Variants in AGT observed in about 807,000 individuals in gnomAD.
The protein encoded by AGT is alpha-1 antiproteinase, antitrypsin.
In AGT, 26 loss-of-function variants were observed where a neutral mutation model predicts 28.1. The observed-to-expected ratio is 0.92, with a 90% CI of 0.68 to 1.28. The LOEUF is 1.28. Among genes scored for constraint, AGT ranks in the 50% most tolerant of loss-of-function variants. AGT has a pLI of 0.00. For synonymous variants in AGT, 259 were observed against 259.6 expected, an observed-to-expected ratio of 1.00 and a Z score of 0.02; for missense variants, 596 against 592.3, an observed-to-expected ratio of 1.01 and a Z score of -0.06.
chr1:230,712,832 G>A (rs1184120725), intron 1 of AGT, among the ~76,000 whole-genome samples: 6 of 152,256 alleles, frequency 3.9e-5, no homozygotes, highest in African/African-American at 1.4e-4. Context: ...TGGGGTGGCG[G>A]GCCTGACACC....
At chr1:230,703,647 C>T (rs61751071) in intron 4 of AGT, among the ~76,000 whole-genome samples, 136 of 152,346 alleles carry the variant, frequency 8.9e-4, no homozygotes, top group African/African-American at 3.0e-3. Context: ...CTCCCTTGGC[C>T]ATGGCCCACC....
chr1:230,735,802 G>C (rs1297709687), intron 1 of AGT, among the ~76,000 whole-genome samples: 1 of 152,100 alleles, frequency 6.6e-6, no homozygotes, highest in Non-Finnish European at 1.5e-5. Context: ...CCCCCTCAGA[G>C]CTGTAGATTC....
At chr1:230,724,770 G>A (rs1251233107) in intron 1 of AGT, among the ~76,000 whole-genome samples, 1 of 152,198 alleles carries the variant, frequency 6.6e-6, no homozygotes, top group Non-Finnish European at 1.5e-5. Flanking sequence ...AAGCTGCAGT[G>A]AGCCATGATC....
intron 1 of AGT, among the ~76,000 whole-genome samples, chr1:230,727,612 G>A (rs1044316853): frequency 6.6e-6 from 1 of 152,170 alleles, no homozygotes; most frequent in African/African-American, 2.4e-5. Context: ...AAGACCCTAA[G>A]TAACTAACTA....
upstream of AGT, among the ~76,000 whole-genome samples, chr1:230,718,394 C>A (rs988157378): frequency 6.6e-6 from 1 of 152,074 alleles, no homozygotes; most frequent in South Asian, 2.1e-4. Context: ...GGCAAGGACA[C>A]GTAAAGTCTA....
At chr1:230,726,608 C>T (rs1223466899) in intron 1 of AGT, among the ~76,000 whole-genome samples, 2 of 152,112 alleles carry the variant, frequency 1.3e-5, no homozygotes, top group African/African-American at 4.8e-5. Context: ...GTAAGCATAG[C>T]TTATTGGATG....
At chr1:230,710,945 G>T in intron 1 of AGT, 92 bp from the exon 2 acceptor site, 1 of 1,471,984 alleles carries the variant, frequency 6.8e-7, no homozygotes, top group Non-Finnish European at 9.3e-7. Flanking sequence ...AATATTCCCT[G>T]TCACCATTTA....
chr1:230,731,542 C>T (rs1664062963), intron 1 of AGT, among the ~76,000 whole-genome samples: 1 of 152,192 alleles, frequency 6.6e-6, no homozygotes, highest in Admixed American at 6.5e-5. Flanking sequence ...CTCTGCCTTC[C>T]AGCTGTGCTG....
intron 1 of AGT, among the ~76,000 whole-genome samples, chr1:230,738,845 G>C (rs901435837): frequency 7.9e-5 from 12 of 152,044 alleles, no homozygotes; most frequent in African/African-American, 2.9e-4. Context: ...AATCAAATGA[G>C]ATATTTTAAA....
Position 230,703,116 on chromosome 1 carries a change from G to C in AGT, c.*25C>G. 1 of 1,611,388 alleles carries C rather than the reference G, an allele frequency of 6.2e-7. No homozygotes were observed. Among genetic ancestry groups the C allele is most frequent in the Non-Finnish European group, 8.5e-7 (1 of 1,178,872 alleles). The stretch of plus-strand genomic sequence containing the variant: ...AAGGCCAGGGGCAGAGGCCTTGCCA[G>C]GCACTGTGTTCTGGGGCCCTGGCCT... On this transcript the variant is annotated 3_prime_UTR_variant, in exon 5 of 5. Coordinates refer to ENST00000366667, the MANE Select transcript of AGT (RefSeq NM_001384479.1).
At chr1:230,740,348 G>A (rs573822935) in intron 1 of AGT, among the ~76,000 whole-genome samples, 9 of 152,042 alleles carry the variant, frequency 5.9e-5, no homozygotes, top group Admixed American at 2.0e-4. Context: ...GTGACCTGCC[G>A]ACCTCCTATG....
chr1:230,738,130 G>C (rs1338911232), intron 1 of AGT, among the ~76,000 whole-genome samples: 1 of 152,188 alleles, frequency 6.6e-6, no homozygotes, highest in African/African-American at 2.4e-5. Flanking sequence ...TGCACCTTCT[G>C]GCTGTTATGA....
chr1:230,740,503 A>G (rs2102807632), intron 1 of AGT, among the ~76,000 whole-genome samples: 1 of 152,298 alleles, frequency 6.6e-6, no homozygotes, highest in South Asian at 2.1e-4. Context: ...CTTTGAAGTA[A>G]CTGCTAGTTT....
At chr1:230,724,219 A>G (rs1024657742) in intron 1 of AGT, among the ~76,000 whole-genome samples, 3 of 152,206 alleles carry the variant, frequency 2.0e-5, no homozygotes, top group South Asian at 2.1e-4. Context: ...TATTTATTAC[A>G]TGGCCCTTTA....
At chr1:230,739,961 G>A (rs6663784) in intron 1 of AGT, among the ~76,000 whole-genome samples, 28,236 of 152,094 alleles carry the variant, frequency 0.19, 3,252 homozygotes, top group African/African-American at 0.33. Context: ...AAGAAAGAAT[G>A]GCCACTCCGT....
At chr1:230,725,515 G>C (rs191026609) in intron 1 of AGT, among the ~76,000 whole-genome samples, 1 of 152,282 alleles carries the variant, frequency 6.6e-6, no homozygotes, top group Admixed American at 6.5e-5. Context: ...ACAATGAAGA[G>C]TTCTGCTCAC....
chr1:230,733,839 G>C (rs1437768848), intron 1 of AGT, among the ~76,000 whole-genome samples: 1 of 152,094 alleles, frequency 6.6e-6, no homozygotes, highest in Non-Finnish European at 1.5e-5. Context: ...TGGTCTACCA[G>C]TCAGCCACTT....
intron 1 of AGT, among the ~76,000 whole-genome samples, chr1:230,727,187 C>A (rs1446853153): frequency 6.6e-6 from 1 of 152,182 alleles, no homozygotes; most frequent in African/African-American, 2.4e-5. Flanking sequence ...TCTCTCTCCT[C>A]CTACAATGTT....
chr1:230,704,381 T>C lies in AGT; in HGVS notation c.1098-44A>G, dbSNP rs61751064. On this transcript the variant is annotated intron_variant, in intron 3 of 4. Coordinates refer to ENST00000366667, the MANE Select transcript of AGT (RefSeq NM_001384479.1). ...GTTAGGAAGGCTCCAGGCCACACAG[T>C]GAGGGCTCTCCCAGAGGCCAGGCAG... is the stretch of plus-strand genomic sequence containing the variant. 253 of 1,609,232 alleles carry C rather than the reference T, an allele frequency of 1.6e-4. No individual in the cohort carries two copies. The African/African-American group carries it at 2.8e-3, about 18-fold the overall frequency.
Sources: gnomAD v4.1 joint callset for allele counts (sites outside exome capture counted in the v4.1 genomes callset) on GRCh38, gnomAD v4.1.1 for gene constraint, MANE v1.5 for transcripts, NCBI Gene and HGNC (gene_info 2026-07-23, HGNC 2026-07-21) for gene names.